SYT1: variants seen among roughly 807,000 people sequenced by gnomAD.
The protein encoded by SYT1 is synaptotagmin-1.
In SYT1, 8 loss-of-function variants were observed where a neutral mutation model predicts 44.8. That is an observed-to-expected ratio of 0.18 (90% CI 0.10 to 0.32). The LOEUF (loss-of-function observed/expected upper bound fraction) is 0.32. SYT1 is among the 10% of genes least tolerant of loss of function. SYT1 has a pLI of 1.00. For synonymous variants in SYT1, 154 were observed against 188.8 expected, an observed-to-expected ratio of 0.82 and a Z score of 1.51; for missense variants, 286 against 509.3, an observed-to-expected ratio of 0.56 and a Z score of 4.22.
intron 9 of SYT1, among the ~76,000 whole-genome samples, chr12:79,399,362 TA>T (rs1262724627): frequency 6.6e-6 from 1 of 151,800 alleles, no homozygotes; most frequent in African/African-American, 2.4e-5. Context: ...AATATTATGA[TA>T]AAAGATAACA....
At chr12:79,068,795 T>C (rs1565791416) in intron 3 of SYT1, among the ~76,000 whole-genome samples, 3 of 152,108 alleles carry the variant, frequency 2.0e-5, no homozygotes, top group African/African-American at 7.2e-5. Flanking sequence ...AGGAGAATTG[T>C]TTGAACTCAG....
chr12:79,048,248 A>T (rs573700895), intron 3 of SYT1, among the ~76,000 whole-genome samples: 91 of 151,986 alleles, frequency 6.0e-4, no homozygotes, highest in African/African-American at 2.2e-3. Context: ...ACTAGAGTCA[A>T]GTTCAATGGA....
intron 2 of SYT1, among the ~76,000 whole-genome samples, chr12:78,980,134 A>G (rs1400809881): frequency 1.3e-5 from 2 of 152,192 alleles, no homozygotes; most frequent in African/African-American, 4.8e-5. Context: ...CATGTTTGCC[A>G]ATTTAATATA....
chr12:79,244,966 A>G (rs1283864999), intron 4 of SYT1, among the ~76,000 whole-genome samples: 1 of 152,144 alleles, frequency 6.6e-6, no homozygotes, highest in Non-Finnish European at 1.5e-5. Flanking sequence ...AGTAAATGCA[A>G]TTCCTGAAAA....
In SYT1 at chr12:78,931,232, AAAGAAAG is replaced by A. The variant is rs1565723415; in HGVS notation, c.-216-46563_-216-46557del. On this transcript the variant is annotated intron_variant, in intron 1 of 10. Transcript: ENST00000261205. ...GAAAGAAAGAAAGAAAGAAAGAAAG[AAAGAAAG>A]AAGGAAGGAAGGAAGGAAGGAAGGA... Among the ~76,000 whole-genome samples, 197 of 63,200 alleles carry A rather than the reference AAAGAAAG, an allele frequency of 3.1e-3. 6 individuals are homozygous for A. The highest frequency in any genetic ancestry group is 9.8e-3 in the African/African-American group (108 of 10,970). 41.5% of individuals were successfully genotyped at this position (63,200 alleles called of 152,430 possible).
chr12:78,940,740 A>T (rs964020032), intron 1 of SYT1, among the ~76,000 whole-genome samples: 1 of 152,120 alleles, frequency 6.6e-6, no homozygotes, highest in Non-Finnish European at 1.5e-5. Context: ...AAATTTCTGG[A>T]TGACTCCTTG....
At chr12:79,369,371 G>A (rs974436000) in intron 9 of SYT1, among the ~76,000 whole-genome samples, 28 of 152,048 alleles carry the variant, frequency 1.8e-4, no homozygotes, top group African/African-American at 6.8e-4. Flanking sequence ...AATTACATGG[G>A]AAGGTGAGGC....
chr12:79,020,385 G>T (rs1236633091), intron 2 of SYT1, among the ~76,000 whole-genome samples: 2 of 151,774 alleles, frequency 1.3e-5, no homozygotes, highest in African/African-American at 4.8e-5. Context: ...GGATGCCCAG[G>T]ACATTTCCCT....
intron 3 of SYT1, among the ~76,000 whole-genome samples, chr12:79,060,266 G>A (rs1875280219): frequency 1.3e-5 from 2 of 151,674 alleles, no homozygotes; most frequent in Admixed American, 1.3e-4. Flanking sequence ...GTAACAAAAA[G>A]CTTTTATTTT....
intron 7 of SYT1, among the ~76,000 whole-genome samples, chr12:79,297,587 G>A (rs953718481): frequency 6.6e-6 from 1 of 151,958 alleles, no homozygotes; most frequent in Non-Finnish European, 1.5e-5. Context: ...ATAAAACCAA[G>A]TATAATTATT....
intron 1 of SYT1, among the ~76,000 whole-genome samples, chr12:78,891,080 T>C (rs987298227): frequency 1.5e-4 from 23 of 151,892 alleles, no homozygotes; most frequent in African/African-American, 5.6e-4. Flanking sequence ...GTCTATTTTA[T>C]TATTGGTTTA....
At chr12:79,277,500 C>T (rs538801922) in intron 4 of SYT1, among the ~76,000 whole-genome samples, 1 of 152,070 alleles carries the variant, frequency 6.6e-6, no homozygotes, top group Admixed American at 6.5e-5. Flanking sequence ...ACTACCTCTA[C>T]AAGAAATGCT....
intron 9 of SYT1, among the ~76,000 whole-genome samples, chr12:79,435,528 G>A (rs1393874926): frequency 7.2e-5 from 11 of 152,110 alleles, no homozygotes. Context: ...GGCTGGCCAA[G>A]AGTGATAGGC....
intron 3 of SYT1, among the ~76,000 whole-genome samples, chr12:79,076,748 A>G (rs1473387092): frequency 3.9e-5 from 6 of 152,064 alleles, no homozygotes; most frequent in Admixed American, 3.9e-4. Context: ...GGATTTTGGG[A>G]TCACGAGGTC....
intron 9 of SYT1, among the ~76,000 whole-genome samples, chr12:79,417,994 C>G (rs1010237920): frequency 1.1e-4 from 16 of 152,126 alleles, no homozygotes; most frequent in Non-Finnish European, 1.6e-4. Flanking sequence ...CCTTACTCTA[C>G]CGTTACTCCC....
At chr12:79,192,282 G>A (rs1305634590) in intron 3 of SYT1, among the ~76,000 whole-genome samples, 2 of 152,176 alleles carry the variant, frequency 1.3e-5, no homozygotes, top group African/African-American at 4.8e-5. Flanking sequence ...AGGATGCAGA[G>A]TAGGAAAATC....
At chr12:78,981,072 T>C (rs544749534) in intron 2 of SYT1, among the ~76,000 whole-genome samples, 1 of 151,978 alleles carries the variant, frequency 6.6e-6, no homozygotes, top group Non-Finnish European at 1.5e-5. Flanking sequence ...AACAGGTGTA[T>C]TCAATGGTTT....
intron 3 of SYT1, among the ~76,000 whole-genome samples, chr12:79,143,387 T>C (rs543976857): frequency 6.6e-6 from 1 of 152,368 alleles, no homozygotes; most frequent in African/African-American, 2.4e-5. Flanking sequence ...CACTGGTTTA[T>C]ATCCTCAACC....
chr12:78,944,212 G>A (rs550872175), intron 1 of SYT1, among the ~76,000 whole-genome samples: 4 of 151,318 alleles, frequency 2.6e-5, no homozygotes, highest in Non-Finnish European at 4.4e-5. Flanking sequence ...TTTTTAAACA[G>A]TTAAATAATG....
Sources: allele counts gnomAD v4.1 joint callset (sites outside exome capture counted in the v4.1 genomes callset), GRCh38; gene constraint gnomAD v4.1.1; transcripts MANE v1.5; gene names NCBI Gene and HGNC (gene_info 2026-07-23, HGNC 2026-07-21).